Variants in GRID2 observed in about 807,000 individuals in gnomAD.
GRID2 encodes the protein glutamate ionotropic receptor delta type subunit 2.
A neutral mutation model predicts 114.8 loss-of-function variants in GRID2; 33 were observed. The ratio of observed to expected loss-of-function variants is 0.29; its 90% CI spans 0.22 to 0.38. The LOEUF (loss-of-function observed/expected upper bound fraction) is 0.38. GRID2 is among the 10% of genes least tolerant of loss of function. GRID2 has a pLI of 1.00. For synonymous variants in GRID2, 505 were observed against 449.9 expected (o/e 1.12, Z -1.55); for missense variants, 1,184 against 1,257.7 (o/e 0.94, Z 0.89).
intron 2 of GRID2, among the ~76,000 whole-genome samples, chr4:92,745,145 G>A (rs1737086548): frequency 6.6e-6 from 1 of 152,132 alleles, no homozygotes; most frequent in Non-Finnish European, 1.5e-5. Flanking sequence ...GTGTCCAAAT[G>A]TCCTAGTCTG....
At chr4:93,459,260 G>T (rs1470405212) in intron 11 of GRID2, among the ~76,000 whole-genome samples, 2 of 148,538 alleles carry the variant, frequency 1.3e-5, no homozygotes, top group African/African-American at 5.0e-5. Flanking sequence ...TACAGAAAAA[G>T]AGTGAAAACA....
intron 13 of GRID2, among the ~76,000 whole-genome samples, chr4:93,578,875 G>A (rs1226668296): frequency 2.6e-5 from 4 of 152,148 alleles, no homozygotes; most frequent in Non-Finnish European, 5.9e-5. Flanking sequence ...TTACAGGCGT[G>A]AGCCACCGCA....
At chr4:93,601,992 C>T (rs1300111167) in intron 13 of GRID2, among the ~76,000 whole-genome samples, 7 of 152,104 alleles carry the variant, frequency 4.6e-5, no homozygotes, top group Non-Finnish European at 1.0e-4. Context: ...ACTATCATCA[C>T]CTTAAAATGT....
intron 13 of GRID2, among the ~76,000 whole-genome samples, chr4:93,614,017 C>T (rs1015361664): frequency 5.9e-5 from 9 of 151,952 alleles, no homozygotes; most frequent in Admixed American, 4.6e-4. Flanking sequence ...TCTCGTGGTG[C>T]GCCGTTTTTT....
intron 2 of GRID2, among the ~76,000 whole-genome samples, chr4:92,909,775 C>A (rs1326594762): frequency 6.6e-6 from 1 of 152,056 alleles, no homozygotes; most frequent in Admixed American, 6.6e-5. Flanking sequence ...ATTTTTAAAG[C>A]ATTTTTTATG....
intron 1 of GRID2, among the ~76,000 whole-genome samples, chr4:92,480,553 C>A (rs190978712): frequency 1.3e-5 from 2 of 152,184 alleles, no homozygotes; most frequent in Non-Finnish European, 2.9e-5. Flanking sequence ...GAAATGTATT[C>A]TCTCACAGGT....
chr4:93,224,650 C>G lies in GRID2; in HGVS notation c.1000C>G (p.Leu334Val), dbSNP rs1745279258. Reference protein sequence around the residue: ...NLYIYDTVLLLANAFHKKLED... With the variant: ...NLYIYDTVLLVANAFHKKLED... ...TTACATATATGACACGGTGCTTCTG[C>G]TTGCTAATGCTTTTCATAAGAAGCT... is the stretch of plus-strand genomic sequence containing the variant. The change falls in exon 7 of 16, where the codon CTT becomes GTT. Residue 334 changes from leucine (L) to valine (V), a missense_variant. By Grantham distance (32) the Leu-to-Val change is conservative (BLOSUM62 1). Around this residue, in one of 3 missense-constraint regions of GRID2, gnomAD observed 455 missense variants for 429.5 expected, o/e 1.06. Transcript: ENST00000282020. 1.9e-6 allele frequency: 3 copies of G among 1,610,858 alleles called. No homozygotes were observed. Among genetic ancestry groups the G allele is most frequent in the Admixed American group, 1.7e-5 (1 of 59,836 alleles).
intron 1 of GRID2, among the ~76,000 whole-genome samples, chr4:92,384,658 A>G (rs1394195708): frequency 2.7e-4 from 21 of 78,194 alleles, no homozygotes; most frequent in African/African-American, 8.4e-4. Context: ...ATATATAGAC[A>G]TATTATATAC....
chr4:93,373,373 A>T (rs1763102024), intron 8 of GRID2, among the ~76,000 whole-genome samples: 1 of 152,028 alleles, frequency 6.6e-6, no homozygotes. Context: ...GCAGAAGGTA[A>T]TGTGATTTAC....
intron 2 of GRID2, among the ~76,000 whole-genome samples, chr4:92,975,156 C>CAAAAATAAAAAAAAAA (rs1753785378): frequency 2.1e-5 from 1 of 46,692 alleles, no homozygotes; most frequent in Non-Finnish European, 3.7e-5. Flanking sequence ...GATTCCGCCT[C>CAAAAATAAAAAAAAAA]AAAAAAAAAA....
chr4:93,104,304 T>C (rs901965973), intron 3 of GRID2, among the ~76,000 whole-genome samples: 1 of 152,120 alleles, frequency 6.6e-6, no homozygotes, highest in Non-Finnish European at 1.5e-5. Context: ...TTAATAGTAT[T>C]TTTTATTTTA....
At chr4:92,754,395 G>GGTAAT (rs1737609430) in intron 2 of GRID2, among the ~76,000 whole-genome samples, 1 of 152,066 alleles carries the variant, frequency 6.6e-6, no homozygotes, top group Non-Finnish European at 1.5e-5. Context: ...GACGATCCCA[G>GGTAAT]GTAATAGGGG....
At chr4:92,735,201 C>T (rs1299410080) in intron 2 of GRID2, among the ~76,000 whole-genome samples, 4 of 152,044 alleles carry the variant, frequency 2.6e-5, no homozygotes, top group African/African-American at 9.7e-5. Flanking sequence ...TGGAATAATA[C>T]AGTGGTCCTT....
chr4:92,518,989 C>A (rs1724642341), intron 1 of GRID2, among the ~76,000 whole-genome samples: 1 of 151,772 alleles, frequency 6.6e-6, no homozygotes, highest in African/African-American at 2.4e-5. Context: ...TTTTCTGACA[C>A]AGAGTTTTGA....
chr4:92,474,184 C>G (rs949887286), intron 1 of GRID2, among the ~76,000 whole-genome samples: 3 of 152,018 alleles, frequency 2.0e-5, no homozygotes, highest in African/African-American at 7.2e-5. Context: ...TTCCTACCCT[C>G]CTATCTCCTG....
At chr4:92,577,269 TTC>T (rs1312494863) in intron 1 of GRID2, among the ~76,000 whole-genome samples, 1 of 152,144 alleles carries the variant, frequency 6.6e-6, no homozygotes, top group African/African-American at 2.4e-5. Flanking sequence ...ATTTCAAGAT[TTC>T]TCATATAGAG....
chr4:92,635,408 GTTTC>G (rs1270616245), intron 2 of GRID2, among the ~76,000 whole-genome samples: 1 of 151,738 alleles, frequency 6.6e-6, no homozygotes, highest in Non-Finnish European at 1.5e-5. Context: ...TGTCTTTATT[GTTTC>G]TTAATCAAAT....
intron 12 of GRID2, among the ~76,000 whole-genome samples, chr4:93,493,606 T>A (rs896555507): frequency 6.6e-6 from 1 of 151,740 alleles, no homozygotes. Context: ...GGTATTTCTC[T>A]GAGGTTGCAG....
At chr4:92,517,005 G>A (rs1419500457) in intron 1 of GRID2, among the ~76,000 whole-genome samples, 2 of 148,816 alleles carry the variant, frequency 1.3e-5, no homozygotes, top group Non-Finnish European at 3.0e-5. Flanking sequence ...CATACAGAGA[G>A]ATAAAAAGAG....
Sources: gnomAD v4.1 joint callset for allele counts (sites outside exome capture counted in the v4.1 genomes callset) on GRCh38, gnomAD v4.1.1 for gene constraint, gnomAD v4.1.1 regional missense constraint, MANE v1.5 for transcripts, NCBI Gene and HGNC (gene_info 2026-07-23, HGNC 2026-07-21) for gene names.